MICAL2: variants seen among roughly 807,000 people sequenced by gnomAD.
The protein encoded by MICAL2 is [F-actin]-monooxygenase MICAL2.
A neutral mutation model predicts 127.3 loss-of-function variants in MICAL2; 77 were observed. The observed-to-expected ratio is 0.60, with a 90% CI of 0.50 to 0.73. The LOEUF (loss-of-function observed/expected upper bound fraction) is 0.73. MICAL2 is among the 30% of genes least tolerant of loss of function. The pLI is 0.00. For missense variants in MICAL2, 1,351 were observed against 1,434.4 expected (o/e 0.94, Z 0.94); for synonymous variants, 570 against 551.1 (o/e 1.03, Z -0.48).
downstream of MICAL2, among the ~76,000 whole-genome samples, chr11:12,295,622 C>T (rs1863977665): frequency 1.3e-5 from 2 of 151,850 alleles, no homozygotes; most frequent in Non-Finnish European, 1.5e-5. Flanking sequence ...GTCTCAAACT[C>T]CTGACCTCAA....
intron 29 of MICAL2, among the ~76,000 whole-genome samples, chr11:12,304,954 A>G (rs1864091740): frequency 6.6e-6 from 1 of 152,142 alleles, no homozygotes; most frequent in South Asian, 2.1e-4. Flanking sequence ...CAATTTCTAC[A>G]ACATTTGCTG....
intron 3 of MICAL2, 36 bp downstream of exon 3, chr11:12,162,455 G>T: frequency 6.2e-7 from 1 of 1,607,590 alleles, no homozygotes; most frequent in East Asian, 2.2e-5. Flanking sequence ...CCTTTGCAGG[G>T]CGTGTGGGTT....
In MICAL2 at chr11:12,129,441, C is replaced by T. The variant is rs547616826; in HGVS notation, c.-148-8949C>T. On this transcript the variant is annotated intron_variant, in intron 1 of 27. Coordinates refer to ENST00000683283, the MANE Select transcript of MICAL2 (RefSeq NM_001282663.2). ...CAGGGTTGAATAACTTGCTCCAAAA[C>T]GTGCAAGTGGAAGGTAATGAAACAC... 7.9e-5 allele frequency among the ~76,000 whole-genome samples: 12 copies of T among 152,256 alleles called. No homozygotes were observed. The East Asian group carries it at 1.7e-3, about 22-fold the overall frequency.
At chr11:12,142,931 G>A (rs931669207) in intron 2 of MICAL2, among the ~76,000 whole-genome samples, 12 of 152,344 alleles carry the variant, frequency 7.9e-5, no homozygotes, top group Non-Finnish European at 1.2e-4. Flanking sequence ...TGACTGAAGC[G>A]TCAAACATTT....
At chr11:12,357,083 A>C (rs922636595) in intron 34 of MICAL2, among the ~76,000 whole-genome samples, 5 of 152,158 alleles carry the variant, frequency 3.3e-5, no homozygotes, top group Non-Finnish European at 7.4e-5. Flanking sequence ...CTTGAGGTGC[A>C]GTGGGATGGT....
chr11:12,220,101 C>T (rs1856642911), intron 8 of MICAL2, 100 bp from the exon 9 acceptor site: 1 of 1,395,064 alleles, frequency 7.2e-7, no homozygotes, highest in Admixed American at 1.9e-5. Context: ...TGACTAGCCT[C>T]ACTGTAGGGA....
chr11:12,263,525 C>G (rs566971375), intron 27 of MICAL2, 35 bp from the exon 28 acceptor site: 5 of 152,674 alleles, frequency 3.3e-5, no homozygotes, highest in African/African-American at 4.8e-5. Context: ...CTGGCCAGTA[C>G]AAAGTCGTTG....
chr11:12,136,132 G>GT (rs1851814951), intron 1 of MICAL2, among the ~76,000 whole-genome samples: 1 of 152,060 alleles, frequency 6.6e-6, no homozygotes, highest in African/African-American at 2.4e-5. Context: ...AACCTTCCCT[G>GT]TATCACCCAA....
At chr11:12,358,256 A>G (rs1450885871) in intron 34 of MICAL2, 12 of 1,595,852 alleles carry the variant, frequency 7.5e-6, no homozygotes, top group Middle Eastern at 1.7e-4. Flanking sequence ...CCGGGGCCCA[A>G]TCTTCTCTGA....
Position 12,118,593 on chromosome 11 carries a change from G to A in MICAL2, c.-149+7867G>A, listed in dbSNP as rs532588703. On this transcript the variant is annotated intron_variant, in intron 1 of 27. Transcript: ENST00000683283. ...CTCCTTTAGGAGTCCCCTTGTGTTC[G>A]ATTTGGGGGTTCAAAGAGCCTGGAA... Among the ~76,000 whole-genome samples, 8 of 152,318 alleles carry A rather than the reference G, an allele frequency of 5.3e-5. No homozygotes were observed. The South Asian group carries it at 8.3e-4, about 16-fold the overall frequency.
At chr11:12,299,438 A>G (rs1401550676) in intron 29 of MICAL2, among the ~76,000 whole-genome samples, 1 of 152,226 alleles carries the variant, frequency 6.6e-6, no homozygotes, top group African/African-American at 2.4e-5. Flanking sequence ...GATCATTTGA[A>G]TAAGAGCCAG....
intron 6 of MICAL2, among the ~76,000 whole-genome samples, chr11:12,211,405 A>C (rs894321436): frequency 6.6e-6 from 1 of 152,144 alleles, no homozygotes; most frequent in Non-Finnish European, 1.5e-5. Flanking sequence ...CAAAACAAAA[A>C]AAACCCCAAG....
intron 8 of MICAL2, among the ~76,000 whole-genome samples, chr11:12,219,377 C>A (rs1197686341): frequency 6.6e-6 from 1 of 151,854 alleles, no homozygotes; most frequent in Non-Finnish European, 1.5e-5. Flanking sequence ...CTCTGCACTC[C>A]CCATGAAAGA....
At chr11:12,143,606 G>A (rs887176327) in intron 2 of MICAL2, among the ~76,000 whole-genome samples, 9 of 152,172 alleles carry the variant, frequency 5.9e-5, no homozygotes, top group African/African-American at 2.2e-4. Flanking sequence ...GAATGGGGTG[G>A]GACGGGCCAC....
downstream of MICAL2, among the ~76,000 whole-genome samples, chr11:12,289,267 T>C (rs1471736006): frequency 2.0e-5 from 3 of 152,008 alleles, no homozygotes; most frequent in Non-Finnish European, 4.4e-5. Flanking sequence ...GCTGCACGTG[T>C]GACTGAGACC....
chr11:12,260,971 C>A (rs927377058), intron 26 of MICAL2: 4 of 985,474 alleles, frequency 4.1e-6, no homozygotes, highest in Non-Finnish European at 4.8e-6. Flanking sequence ...GGAGCTGATG[C>A]AGTGCCAAAG....
intron 2 of MICAL2, among the ~76,000 whole-genome samples, chr11:12,159,539 G>A (rs914453627): frequency 2.0e-5 from 3 of 152,198 alleles, no homozygotes; most frequent in Non-Finnish European, 4.4e-5. Flanking sequence ...TTACAGTAAG[G>A]GAACTGAGAA....
At chr11:12,124,102 G>C (rs779495941) in intron 1 of MICAL2, among the ~76,000 whole-genome samples, 14 of 152,116 alleles carry the variant, frequency 9.2e-5, no homozygotes, top group Non-Finnish European at 1.5e-5. Flanking sequence ...GAATTTAAAG[G>C]CAGAGCCTCC....
downstream of MICAL2, chr11:12,294,127 C>T: frequency 2.5e-6 from 4 of 1,613,972 alleles, no homozygotes; most frequent in South Asian, 2.2e-5. Flanking sequence ...CCCTGCTGCT[C>T]CCTAGGGCAG....
Sources: gnomAD v4.1 joint callset for allele counts (sites outside exome capture counted in the v4.1 genomes callset) on GRCh38, gnomAD v4.1.1 for gene constraint, MANE v1.5 for transcripts, NCBI Gene and HGNC (gene_info 2026-07-23, HGNC 2026-07-21) for gene names.